Variants in WDPCP observed in about 807,000 individuals in gnomAD.
WDPCP encodes WD repeat containing planar cell polarity effector.
A neutral mutation model predicts 93.1 loss-of-function variants in WDPCP; 71 were observed. That is an observed-to-expected ratio of 0.76 (90% CI 0.63 to 0.93). The LOEUF (loss-of-function observed/expected upper bound fraction) is 0.93. Among genes scored for constraint, WDPCP ranks in the 40% least tolerant of loss-of-function variants. The pLI, the probability that WDPCP is intolerant of heterozygous loss-of-function variation, is 0.00. For synonymous variants in WDPCP, 315 were observed against 315.0 expected, an observed-to-expected ratio of 1.00 and a Z score of 0.00; for missense variants, 844 against 887.4, an observed-to-expected ratio of 0.95 and a Z score of 0.62.
At chr2:63,362,673 C>T (rs768171534) in intron 12 of WDPCP, among the ~76,000 whole-genome samples, 1 of 151,916 alleles carries the variant, frequency 6.6e-6, no homozygotes, top group Admixed American at 6.6e-5. Context: ...AATCAATTTT[C>T]TTTTCTTAAG....
In WDPCP at chr2:63,381,882, A is replaced by T. The variant is rs2138796; in HGVS notation, c.1624+24T>A. 895,980 of 1,611,360 alleles carry T rather than the reference A, an allele frequency of 0.56. 251,686 individuals are homozygous for T. The highest frequency in any genetic ancestry group is 0.66 in the Admixed American group (39,513 of 59,784). On this transcript the variant is annotated intron_variant, in intron 11 of 17. Transcript: ENST00000272321. ...ATTTCATGTATATACAAAACTCATC[A>T]ATGAAAAATATTTCAAGTCTGACCT...
At chr2:63,583,776 C>G (rs1419330511) in intron 1 of WDPCP, among the ~76,000 whole-genome samples, 2 of 151,430 alleles carry the variant, frequency 1.3e-5, no homozygotes, top group Admixed American at 1.3e-4. Context: ...ATTTGTTGTT[C>G]AATAATAAAA....
chr2:63,126,342 C>G (rs1172201456), intron 17 of WDPCP, among the ~76,000 whole-genome samples: 1 of 152,084 alleles, frequency 6.6e-6, no homozygotes, highest in Non-Finnish European at 1.5e-5. Context: ...TAATCATGAA[C>G]CATGTTTTAG....
At chr2:63,479,507 C>T (rs1271923524) in intron 6 of WDPCP, among the ~76,000 whole-genome samples, 1 of 152,076 alleles carries the variant, frequency 6.6e-6, no homozygotes, top group Non-Finnish European at 1.5e-5. Context: ...GGGTTTCATA[C>T]CAGGGATGCA....
chr2:63,456,134 G>A (rs1315656462), intron 6 of WDPCP, among the ~76,000 whole-genome samples: 1 of 152,108 alleles, frequency 6.6e-6, no homozygotes, highest in Non-Finnish European at 1.5e-5. Flanking sequence ...AATGCAAATG[G>A]AGGCAAGGCG....
intron 14 of WDPCP, among the ~76,000 whole-genome samples, chr2:63,205,161 G>C (rs1158511545): frequency 2.6e-5 from 4 of 152,052 alleles, no homozygotes; most frequent in Non-Finnish European, 5.9e-5. Context: ...GGAGGTGCGT[G>C]GATTTGTTTC....
chr2:63,595,605 T>C lies in WDPCP; in HGVS notation n.488+55054A>G. 3.9e-6 allele frequency: 3 copies of C among 777,928 alleles called. 1 individual carries two copies. The highest frequency in any genetic ancestry group is 3.2e-5 in the South Asian group (2 of 63,206). The allele number at this position is 777,928 out of a possible 1,614,324, so 48.2% of individuals were successfully genotyped here. A position where few individuals can be genotyped will look rare whatever the true frequency, so the allele number is the denominator to read the frequency against. ...TAGGTTTTTGTTAAAGGCTCTCAAT[T>C]AGAAATTATTTCATAAGAGGATTTT... On this transcript the variant is annotated intron_variant and non_coding_transcript_variant, in intron 3 of 4. Transcript: ENST00000467687.
At chr2:63,496,790 T>C (rs1181446061) in intron 1 of WDPCP, among the ~76,000 whole-genome samples, 1 of 152,118 alleles carries the variant, frequency 6.6e-6, no homozygotes, top group Non-Finnish European at 1.5e-5. Context: ...GACCCTTTTG[T>C]GGCCCCACAG....
chr2:63,748,565 T>C (rs762322164), intron 2 of WDPCP, among the ~76,000 whole-genome samples: 5 of 152,120 alleles, frequency 3.3e-5, no homozygotes, highest in Non-Finnish European at 7.4e-5. Context: ...TCCCGAATTA[T>C]TAGGATAAAC....
chr2:63,486,708 G>T, intron 3 of WDPCP, 122 bp from the exon 4 acceptor site: 1 of 820,766 alleles, frequency 1.2e-6, no homozygotes, highest in South Asian at 2.0e-5. Context: ...GCATTATTGA[G>T]ATTAATAAAT....
intron 13 of WDPCP, among the ~76,000 whole-genome samples, chr2:63,298,592 G>A (rs916342866): frequency 3.3e-5 from 5 of 152,076 alleles, no homozygotes; most frequent in Non-Finnish European, 7.4e-5. Flanking sequence ...TCAGCTTTTG[G>A]ACTCTTGGAC....
chr2:63,121,787 A>G lies in WDPCP; in HGVS notation c.*219T>C. 8.5e-7 allele frequency: 1 copy of G among 1,178,980 alleles called. No individual in the cohort carries two copies. Among genetic ancestry groups the G allele is most frequent in the Non-Finnish European group, 1.1e-6 (1 of 889,352 alleles). The allele number at this position is 1,178,980 out of a possible 1,614,324, so 73.0% of individuals were successfully genotyped here. A position where few individuals can be genotyped will look rare whatever the true frequency, so the allele number is the denominator to read the frequency against. On this transcript the variant is annotated 3_prime_UTR_variant, in exon 18 of 18. Coordinates refer to ENST00000272321, the MANE Select transcript of WDPCP (RefSeq NM_015910.7). The stretch of plus-strand genomic sequence containing the variant: ...AAATTTTACATTATTGAAAATAAGT[A>G]GGTTGAAGACTTTTACTTACGATCA...
chr2:63,617,095 A>G (rs1393191438), intron 3 of WDPCP, among the ~76,000 whole-genome samples: 2 of 152,202 alleles, frequency 1.3e-5, no homozygotes, highest in Non-Finnish European at 2.9e-5. Context: ...CACAGGAAAA[A>G]TTTGTAATAA....
chr2:63,452,203 A>C (rs1698298004), intron 6 of WDPCP, among the ~76,000 whole-genome samples: 1 of 152,246 alleles, frequency 6.6e-6, no homozygotes, highest in South Asian at 2.1e-4. Flanking sequence ...CCATCGTCTC[A>C]GCCTAAAATT....
Position 63,821,644 on chromosome 2 carries a change from C to T in WDPCP, n.222+5978G>A, listed in dbSNP as rs528325043. Among the ~76,000 whole-genome samples the T allele has an allele frequency of 5.3e-5, 8 of 152,170 alleles. No homozygotes were observed. The South Asian group carries it at 1.7e-3, about 32-fold the overall frequency. On this transcript the variant is annotated intron_variant and non_coding_transcript_variant, in intron 1 of 4. Transcript: ENST00000467687. ...ACAGAGAGTGGACCATGGTGAACTA[C>T]CTCAGACAAAAATCTAGTTAGGATG...
chr2:63,737,515 C>T (rs534594063), intron 2 of WDPCP, among the ~76,000 whole-genome samples: 2 of 152,284 alleles, frequency 1.3e-5, no homozygotes, highest in African/African-American at 2.4e-5. Context: ...GAGTGGCAGA[C>T]ATCATGTGTA....
At position 63,364,887 on chromosome 2, in the gene WDPCP, G is replaced by C. The variant is rs546145249; in HGVS notation, c.1748+13499C>G. Among the ~76,000 whole-genome samples the C allele has an allele frequency of 3.3e-5, 5 of 152,170 alleles. No homozygotes were observed. The South Asian group carries it at 8.3e-4, about 25-fold the overall frequency. On this transcript the variant is annotated intron_variant, in intron 12 of 17. Coordinates refer to ENST00000272321, the MANE Select transcript of WDPCP (RefSeq NM_015910.7). ...AGTTGGCAAACTTTTTATGTAAAGG[G>C]CCAAACAGTAATACACTTTGAGGGA...
chr2:63,506,955 T>C (rs574135051), intron 1 of WDPCP, among the ~76,000 whole-genome samples: 1 of 151,192 alleles, frequency 6.6e-6, no homozygotes, highest in Non-Finnish European at 1.5e-5. Flanking sequence ...TGAAGAAGTC[T>C]CCCAGAAGAA....
intron 2 of WDPCP, among the ~76,000 whole-genome samples, chr2:63,714,054 TC>T (rs1295594385): frequency 2.7e-5 from 4 of 150,424 alleles, no homozygotes; most frequent in Non-Finnish European, 5.9e-5. Flanking sequence ...TCTTTTTTAT[TC>T]TTTTTTTTTT....
Sources: gnomAD v4.1 joint callset for allele counts (sites outside exome capture counted in the v4.1 genomes callset) on GRCh38, gnomAD v4.1.1 for gene constraint, MANE v1.5 for transcripts, NCBI Gene and HGNC (gene_info 2026-07-23, HGNC 2026-07-21) for gene names.